The following AGO2 variants were observed in gnomAD, a reference collection of about 807,000 sequenced individuals.
The protein encoded by AGO2 is protein argonaute-2.
In AGO2, 5 loss-of-function variants were observed where a neutral mutation model predicts 102.3. The ratio of observed to expected loss-of-function variants is 0.05; its 90% CI spans 0.03 to 0.10. The LOEUF (loss-of-function observed/expected upper bound fraction) is 0.10, where lower values mean the gene tolerates loss of function less well. Among genes scored for constraint, AGO2 ranks in the 10% least tolerant of loss-of-function variants. AGO2 has a pLI of 1.00. For synonymous variants in AGO2, 449 were observed against 473.1 expected (o/e 0.95, Z 0.66); for missense variants, 541 against 1,183.7 (o/e 0.46, Z 7.97).
At chr8:140,631,264 G>A (rs754685649) in intron 1 of AGO2, among the ~76,000 whole-genome samples, 7 of 152,184 alleles carry the variant, frequency 4.6e-5, no homozygotes, top group African/African-American at 1.4e-4. Flanking sequence ...GACGTAGGCC[G>A]GGCGTGGTGG....
chr8:140,597,810 T>C (rs1376760430), intron 1 of AGO2, among the ~76,000 whole-genome samples: 1 of 152,214 alleles, frequency 6.6e-6, no homozygotes, highest in African/African-American at 2.4e-5. Flanking sequence ...TCTATTTTTA[T>C]CAGCGAGGCA....
chr8:140,634,734 TG>T (rs1563664017), intron 1 of AGO2, among the ~76,000 whole-genome samples: 1 of 152,158 alleles, frequency 6.6e-6, no homozygotes. Flanking sequence ...AGCACTTGAA[TG>T]GGGAGGCCGG....
At position 140,538,190 on chromosome 8, in the gene AGO2, C is replaced by T. The variant is rs868254692; in HGVS notation, c.2169+1130G>A. ...CTGTGATGCTTAACTTCTGTTTCAC[C>T]TTCCATTTGCACAGTAAACCTTCCC... On this transcript the variant is annotated intron_variant, in intron 16 of 18. Transcript: ENST00000220592. Among the ~76,000 whole-genome samples the T allele has an allele frequency of 6.6e-5, 10 of 152,236 alleles. No individual in the cohort carries two copies. The South Asian group carries it at 1.0e-3, about 16-fold the overall frequency.
chr8:140,623,684 C>A (rs1035528439), intron 1 of AGO2, among the ~76,000 whole-genome samples: 2 of 152,038 alleles, frequency 1.3e-5, no homozygotes, highest in African/African-American at 2.4e-5. Flanking sequence ...ATGGATGCAG[C>A]CCCATGGCCC....
chr8:140,599,315 G>A (rs1051970757), intron 1 of AGO2, among the ~76,000 whole-genome samples: 6 of 152,164 alleles, frequency 3.9e-5, no homozygotes, highest in East Asian at 1.9e-4. Flanking sequence ...TCACCGGCTC[G>A]TTTCATACAT....
Position 140,539,471 on chromosome 8 carries a change from G to A in AGO2, c.2035-17C>T, listed in dbSNP as rs1321971309. ...GTGGAGAACCTAGGGGTACGGGAGG[G>A]AGGAGGTTGTGCTTAAAGATGGTAG... On this transcript the variant is annotated splice_polypyrimidine_tract_variant and intron_variant, in intron 15 of 18. Coordinates refer to ENST00000220592, the MANE Select transcript of AGO2 (RefSeq NM_012154.5). The surrounding 1 kb of genome is among the most constrained non-coding windows in gnomAD (Gnocchi z 4.7). 6.2e-7 allele frequency: 1 copy of A among 1,603,058 alleles called. No homozygotes were observed. Among genetic ancestry groups the A allele is most frequent in the Non-Finnish European group, 8.5e-7 (1 of 1,174,248 alleles).
chr8:140,582,723 G>A (rs780886072), intron 2 of AGO2, among the ~76,000 whole-genome samples: 3 of 152,072 alleles, frequency 2.0e-5, no homozygotes, highest in African/African-American at 7.2e-5. Context: ...TCCCTAGGTA[G>A]GCAAAAATTT....
In AGO2 at chr8:140,520,617, A is replaced by G. The variant is rs2072400776; in HGVS notation, c.*11427T>C. ...AAGACGGGCTCTCTGGAGAGACCAG[A>G]GGCTCGGGCTGCCTGATTTCAGCAA... is the stretch of plus-strand genomic sequence containing the variant. On this transcript the variant is annotated 3_prime_UTR_variant, in exon 19 of 19. Coordinates refer to ENST00000220592, the MANE Select transcript of AGO2 (RefSeq NM_012154.5). 6.6e-6 allele frequency: 1 copy of G among 152,108 alleles called. No homozygotes were observed. The highest frequency in any genetic ancestry group is 2.4e-5 in the African/African-American group (1 of 41,412). The allele number at this position is 152,108 out of a possible 1,614,324, so 9.4% of individuals were successfully genotyped here.
chr8:140,632,973 C>T (rs1298625648), intron 1 of AGO2, among the ~76,000 whole-genome samples: 2 of 150,826 alleles, frequency 1.3e-5, no homozygotes, highest in South Asian at 2.1e-4. Flanking sequence ...AGTGCAGTGG[C>T]GCAATCTTGG....
intron 1 of AGO2, among the ~76,000 whole-genome samples, chr8:140,629,608 G>A (rs559576015): frequency 1.7e-4 from 26 of 152,040 alleles, no homozygotes; most frequent in East Asian, 7.7e-4. Context: ...GGGAGGCTGC[G>A]GCAGGTGGGT....
chr8:140,559,638 C>T (rs556616062), intron 5 of AGO2, 109 bp from the exon 6 acceptor site: 28 of 1,442,240 alleles, frequency 1.9e-5, no homozygotes, highest in Middle Eastern at 2.2e-4. Context: ...TGGGGACACC[C>T]GGCCGGGGTT....
Position 140,534,972 on chromosome 8 carries a change from T to C in AGO2, c.2271+496A>G, listed in dbSNP as rs2072670100. Among the ~76,000 whole-genome samples, 3 of 152,206 alleles carry C rather than the reference T, an allele frequency of 2.0e-5. No homozygotes were observed. The South Asian group carries it at 6.2e-4, about 31-fold the overall frequency. On this transcript the variant is annotated intron_variant, in intron 17 of 18. Coordinates refer to ENST00000220592, the MANE Select transcript of AGO2 (RefSeq NM_012154.5). ...AGCCTCAAGGTGGTAACCAACACCA[T>C]GGCCACCTTCTCTGAGCACCCAGTC...
chr8:140,573,038 T>A, intron 2 of AGO2, 106 bp from the exon 3 acceptor site: 1 of 1,366,056 alleles, frequency 7.3e-7, no homozygotes, highest in East Asian at 2.5e-5. Context: ...AGATGGAGTC[T>A]TGCTCTTGTG....
chr8:140,595,579 C>T (rs935502684), intron 1 of AGO2, among the ~76,000 whole-genome samples: 35 of 141,090 alleles, frequency 2.5e-4, no homozygotes, highest in Non-Finnish European at 4.8e-4. Context: ...ATAGCTGGGA[C>T]TACAGGCGTG....
At chr8:140,608,432 A>G (rs537160442) in intron 1 of AGO2, among the ~76,000 whole-genome samples, 6 of 152,316 alleles carry the variant, frequency 3.9e-5, no homozygotes, top group Non-Finnish European at 7.4e-5. Context: ...GTCCGTGGAG[A>G]GCCCAACAGA....
In AGO2 at chr8:140,595,738, A is replaced by ATATTATATATAATTGTATATACAAT. The variant is rs1564106675; in HGVS notation, c.23-10428_23-10427insATTGTATATACAATTATATATAATA. 8.1e-4 allele frequency among the ~76,000 whole-genome samples: 102 copies of ATATTATATATAATTGTATATACAAT among 125,386 alleles called. 5 individuals are homozygous for ATATTATATATAATTGTATATACAAT. The highest frequency in any genetic ancestry group is 1.4e-3 in the Non-Finnish European group (87 of 61,074). 82.3% of individuals were successfully genotyped at this position (125,386 alleles called of 152,430 possible). The stretch of plus-strand genomic sequence containing the variant: ...TTATATTATATAATATGTAAATGTT[A>ATATTATATATAATTGTATATACAAT]TATATTATATATAATTGTATATACA... On this transcript the variant is annotated intron_variant, in intron 1 of 18. Coordinates refer to ENST00000220592, the MANE Select transcript of AGO2 (RefSeq NM_012154.5).
chr8:140,601,802 T>C (rs1461327628), intron 1 of AGO2, among the ~76,000 whole-genome samples: 1 of 152,258 alleles, frequency 6.6e-6, no homozygotes, highest in African/African-American at 2.4e-5. Flanking sequence ...ATATTTTTTA[T>C]TGCTTTTCTC....
At chr8:140,556,459 G>A (rs543448416) in intron 8 of AGO2, among the ~76,000 whole-genome samples, 173 bp from the exon 9 acceptor site, 11 of 152,226 alleles carry the variant, frequency 7.2e-5, no homozygotes, top group Non-Finnish European at 1.5e-4. Flanking sequence ...ACGGCCTTCC[G>A]CTTCACAACA....
At chr8:140,548,812 C>T (rs900715923) in intron 12 of AGO2, among the ~76,000 whole-genome samples, 1 of 152,172 alleles carries the variant, frequency 6.6e-6, no homozygotes, top group Non-Finnish European at 1.5e-5. Context: ...CAAACGTTCC[C>T]CCATCCAGCC....
Sources: gnomAD v4.1 joint callset for allele counts (sites outside exome capture counted in the v4.1 genomes callset) on GRCh38, gnomAD v4.1.1 for gene constraint, Gnocchi (gnomAD v3.1) non-coding constraint, MANE v1.5 for transcripts, NCBI Gene and HGNC (gene_info 2026-07-23, HGNC 2026-07-21) for gene names.